Variants in PPP2R2B observed in about 807,000 individuals in gnomAD.
The protein encoded by PPP2R2B is serine/threonine-protein phosphatase 2A 55 kDa regulatory subunit B beta isoform.
Under a neutral mutation model 46.0 loss-of-function variants are expected in PPP2R2B, and 5 were observed. The ratio of observed to expected loss-of-function variants is 0.11; its 90% CI spans 0.06 to 0.23. PPP2R2B has a LOEUF of 0.23. Among genes scored for constraint, PPP2R2B ranks in the 10% least tolerant of loss-of-function variants. The pLI is 1.00. For synonymous variants in PPP2R2B, 215 were observed against 206.7 expected (o/e 1.04, Z -0.34); for missense variants, 367 against 575.0 (o/e 0.64, Z 3.70).
At chr5:146,764,483 C>G (rs1754351173) in intron 2 of PPP2R2B, among the ~76,000 whole-genome samples, 1 of 152,148 alleles carries the variant, frequency 6.6e-6, no homozygotes, top group Non-Finnish European at 1.5e-5. Flanking sequence ...AATTATACAA[C>G]CAAACATAAC....
chr5:146,745,513 T>C (rs550116101), intron 2 of PPP2R2B, among the ~76,000 whole-genome samples: 1 of 152,346 alleles, frequency 6.6e-6, no homozygotes, highest in East Asian at 1.9e-4. Context: ...GAGAAAAATC[T>C]TTAAGAACTT....
At chr5:146,742,959 G>A (rs935505530) in intron 2 of PPP2R2B, among the ~76,000 whole-genome samples, 47 of 152,280 alleles carry the variant, frequency 3.1e-4, no homozygotes, top group Non-Finnish European at 1.5e-4. Context: ...TAGGAGAGGG[G>A]CCTGGAACTG....
At position 146,696,305 on chromosome 5, in the gene PPP2R2B, C is replaced by T. The variant is rs1395359322; in HGVS notation, c.334+1674G>A. Among the ~76,000 whole-genome samples the T allele has an allele frequency of 4.6e-5, 7 of 152,210 alleles. No individual in the cohort carries two copies. The East Asian group carries it at 1.2e-3, about 25-fold the overall frequency. On this transcript the variant is annotated intron_variant, in intron 4 of 9. Coordinates refer to ENST00000394411, the MANE Select transcript of PPP2R2B (RefSeq NM_181675.4). ...ATTTTTAGTAGGGACGGGGTTTCAC[C>T]GTGTTAGCCAGGATGGTCTCGATCT...
At chr5:147,030,991 C>T (rs573227142) in intron 1 of PPP2R2B, among the ~76,000 whole-genome samples, 22 of 152,276 alleles carry the variant, frequency 1.4e-4, no homozygotes, top group African/African-American at 4.8e-4. Context: ...AATCCCAGCA[C>T]TTTGAGAGGC....
At chr5:146,625,128 C>T (rs1773961367) in intron 7 of PPP2R2B, among the ~76,000 whole-genome samples, 1 of 152,222 alleles carries the variant, frequency 6.6e-6, no homozygotes, top group African/African-American at 2.4e-5. Flanking sequence ...ATGGACTTCT[C>T]TTTCTTTTAC....
upstream of PPP2R2B, among the ~76,000 whole-genome samples, chr5:147,056,927 C>T (rs1403071374): frequency 1.3e-5 from 2 of 152,168 alleles, no homozygotes; most frequent in Non-Finnish European, 2.9e-5. Flanking sequence ...CTTCATGCTG[C>T]ATTCAGAGGC....
intron 6 of PPP2R2B, among the ~76,000 whole-genome samples, chr5:146,649,352 T>A (rs898822820): frequency 6.6e-6 from 1 of 152,110 alleles, no homozygotes; most frequent in African/African-American, 2.4e-5. Flanking sequence ...AAATGACCAA[T>A]TTTTACTATG....
At chr5:147,029,951 A>G (rs1487919780) in intron 1 of PPP2R2B, among the ~76,000 whole-genome samples, 3 of 152,198 alleles carry the variant, frequency 2.0e-5, no homozygotes, top group Non-Finnish European at 4.4e-5. Flanking sequence ...AAATTCCTCT[A>G]CTATTCTTCC....
intron 1 of PPP2R2B, among the ~76,000 whole-genome samples, chr5:146,976,637 G>A (rs1326613629): frequency 6.6e-6 from 1 of 152,100 alleles, no homozygotes; most frequent in African/African-American, 2.4e-5. Flanking sequence ...AAATTCTAAT[G>A]TATATGTATA....
At chr5:146,699,358 C>T (rs891439843) in intron 3 of PPP2R2B, among the ~76,000 whole-genome samples, 2 of 152,106 alleles carry the variant, frequency 1.3e-5, no homozygotes, top group Non-Finnish European at 2.9e-5. Context: ...GTTTGTTTCT[C>T]GGATTTAGTG....
intron 2 of PPP2R2B, among the ~76,000 whole-genome samples, chr5:146,790,618 T>A (rs927339841): frequency 6.6e-6 from 1 of 152,196 alleles, no homozygotes; most frequent in South Asian, 2.1e-4. Flanking sequence ...TACCCCAATG[T>A]CTGTCTTCAC....
chr5:146,762,768 A>G (rs1186002274), intron 2 of PPP2R2B, among the ~76,000 whole-genome samples: 2 of 152,204 alleles, frequency 1.3e-5, no homozygotes, highest in Admixed American at 1.3e-4. Context: ...CTAGACAAGT[A>G]ATTATAATGC....
chr5:146,613,499 G>C (rs1772827495), intron 7 of PPP2R2B, among the ~76,000 whole-genome samples: 1 of 60,670 alleles, frequency 1.6e-5, no homozygotes, highest in African/African-American at 9.9e-5. Context: ...GTTCTGGCCA[G>C]GGCAATCAGG....
chr5:146,590,504 A>C (rs1770527165), intron 9 of PPP2R2B, among the ~76,000 whole-genome samples: 1 of 149,672 alleles, frequency 6.7e-6, no homozygotes, highest in South Asian at 2.1e-4. Context: ...TGCTCAATAG[A>C]TTCTTTTTGC....
chr5:147,070,595 T>C (rs933109557), intron 2 of PPP2R2B, among the ~76,000 whole-genome samples: 1 of 152,184 alleles, frequency 6.6e-6, no homozygotes, highest in Non-Finnish European at 1.5e-5. Context: ...CAAATCCGTC[T>C]AGAGAAGCTT....
At chr5:147,019,595 G>GTT (rs111891679) in intron 1 of PPP2R2B, among the ~76,000 whole-genome samples, 3 of 151,186 alleles carry the variant, frequency 2.0e-5, no homozygotes, top group East Asian at 2.0e-4. Context: ...GTTTTGTTTT[G>GTT]TTTTTTTTTA....
In PPP2R2B at chr5:146,934,438, A is replaced by G. The variant is rs189370154; in HGVS notation, c.79+121227T>C. Among the ~76,000 whole-genome samples, 268 of 151,796 alleles carry G rather than the reference A, an allele frequency of 1.8e-3. 9 individuals are homozygous for G. The East Asian group carries it at 0.049, about 28-fold the overall frequency. On this transcript the variant is annotated intron_variant, in intron 1 of 8. Coordinates refer to the PPP2R2B transcript ENST00000336640. ...TGCATTTCTCTGATGGCCAGTGATG[A>G]TAAGCATTTTTTCATGTGTTTTTTG... is the stretch of plus-strand genomic sequence containing the variant.
intron 1 of PPP2R2B, among the ~76,000 whole-genome samples, chr5:146,957,704 T>C (rs1335434762): frequency 6.6e-6 from 1 of 152,176 alleles, no homozygotes; most frequent in Non-Finnish European, 1.5e-5. Context: ...ATAGTCATCA[T>C]AGTTTTGTAC....
At chr5:146,980,977 C>A (rs1753146330) in intron 1 of PPP2R2B, among the ~76,000 whole-genome samples, 1 of 151,998 alleles carries the variant, frequency 6.6e-6, no homozygotes, top group African/African-American at 2.4e-5. Context: ...ACAATGAATC[C>A]TAAAAAGACT....
Sources: gnomAD v4.1 joint callset for allele counts (sites outside exome capture counted in the v4.1 genomes callset) on GRCh38, gnomAD v4.1.1 for gene constraint, MANE v1.5 for transcripts, NCBI Gene and HGNC (gene_info 2026-07-23, HGNC 2026-07-21) for gene names.